Variants in RYR2 observed in about 807,000 individuals in gnomAD.
RYR2 encodes the protein cardiac muscle ryanodine receptor-calcium release channel.
In RYR2, 227 loss-of-function variants were observed where a neutral mutation model predicts 601.1. The observed-to-expected ratio is 0.38, with a 90% CI of 0.34 to 0.42. The LOEUF (loss-of-function observed/expected upper bound fraction) is 0.42. RYR2 is among the 10% of genes least tolerant of loss of function. The pLI, the probability that RYR2 is intolerant of heterozygous loss-of-function variation, is 1.00. For synonymous variants in RYR2, 2,223 were observed against 2,175.1 expected, an observed-to-expected ratio of 1.02 and a Z score of -0.61; for missense variants, 4,646 against 6,156.5, an observed-to-expected ratio of 0.75 and a Z score of 8.21.
rs75373291 is a variant in RYR2 at position 237,197,454 on chromosome 1, T to C, written c.49-73043T>C. 8.1e-4 allele frequency among the ~76,000 whole-genome samples: 124 copies of C among 152,380 alleles called. 3 individuals carry two copies. In the East Asian group the frequency reaches 0.023, roughly 28 times the overall value. On this transcript the variant is annotated intron_variant, in intron 1 of 104. Coordinates refer to ENST00000366574, the MANE Select transcript of RYR2 (RefSeq NM_001035.3). ...CTTAATATCTTAATTGTATATTTCT[T>C]AATTATGTAATCATGTAATATTCAG...
At chr1:237,297,894 G>C (rs950397811) in intron 2 of RYR2, among the ~76,000 whole-genome samples, 6 of 150,968 alleles carry the variant, frequency 4.0e-5, no homozygotes, top group Non-Finnish European at 8.8e-5. Context: ...GGGACTACAA[G>C]CACGTGCTAC....
chr1:237,354,834 T>G (rs1699158254), intron 3 of RYR2, among the ~76,000 whole-genome samples: 1 of 152,132 alleles, frequency 6.6e-6, no homozygotes, highest in Non-Finnish European at 1.5e-5. Flanking sequence ...TAGAACAGAT[T>G]TTTCTGAAAA....
At chr1:237,052,358 G>A (rs1569188) in intron 1 of RYR2, among the ~76,000 whole-genome samples, 30,228 of 152,054 alleles carry the variant, frequency 0.2, 3,810 homozygotes, top group Non-Finnish European at 0.28. Flanking sequence ...AACTCACGGA[G>A]TAAATGGCCA....
At position 237,678,191 on chromosome 1, in the gene RYR2, A is replaced by G; in HGVS notation, c.8895+79A>G. On this transcript the variant is annotated intron_variant, in intron 61 of 104. Coordinates refer to ENST00000366574, the MANE Select transcript of RYR2 (RefSeq NM_001035.3). ...TACTCATTAGATCGTTGCCCTTTTC[A>G]GAACATACTTGTCTACAAATGTGTA... is the stretch of plus-strand genomic sequence containing the variant. The G allele has an allele frequency of 6.5e-6, 5 of 764,540 alleles. No individual in the cohort carries two copies. The South Asian group carries it at 7.5e-5, about 11-fold the overall frequency. 47.4% of individuals were successfully genotyped at this position (764,540 alleles called of 1,614,324 possible). A position where few individuals can be genotyped will look rare whatever the true frequency, so the allele number is the denominator to read the frequency against.
intron 10 of RYR2, among the ~76,000 whole-genome samples, chr1:237,406,162 T>TCCCTTCCCTCCCCTCCCCTC (rs1572177996): frequency 3.0e-5 from 1 of 33,702 alleles, no homozygotes; most frequent in African/African-American, 1.6e-4. Context: ...CCCCTTCCCT[T>TCCCTTCCCTCCCCTCCCCTC]CCCTTCCCTT....
Position 237,459,340 on chromosome 1 carries a change from C to T in RYR2, c.1612+2605C>T, listed in dbSNP as rs147636662. 3.7e-3 allele frequency among the ~76,000 whole-genome samples: 563 copies of T among 152,134 alleles called. 6 individuals carry two copies. The highest frequency in any genetic ancestry group is 0.013 in the African/African-American group (525 of 41,492). On this transcript the variant is annotated intron_variant, in intron 16 of 104. Transcript: ENST00000366574. ...TGGCTCATGTGTGTAGTCCCAGCTG[C>T]GTGGGGGGCTGAACTGGTAGGATTG... is the stretch of plus-strand genomic sequence containing the variant.
chr1:237,572,955 G>T (rs566047801), intron 29 of RYR2, among the ~76,000 whole-genome samples: 4 of 152,180 alleles, frequency 2.6e-5, no homozygotes, highest in East Asian at 1.9e-4. Flanking sequence ...AGAGCTCAAA[G>T]GATCCAGTTT....
chr1:237,603,189 T>C (rs1393988802), intron 35 of RYR2, among the ~76,000 whole-genome samples: 1 of 152,188 alleles, frequency 6.6e-6, no homozygotes, highest in Non-Finnish European at 1.5e-5. Flanking sequence ...AGATTCCCAC[T>C]GTCCCTACCT....
chr1:237,666,490 T>A (rs369291720), intron 56 of RYR2, 22 bp from the exon 57 acceptor site: 16 of 1,602,630 alleles, frequency 1.0e-5, no homozygotes, highest in Non-Finnish European at 1.4e-5. Flanking sequence ...TGAGGCACTG[T>A]TTTTTCACAC....
intron 25 of RYR2, among the ~76,000 whole-genome samples, chr1:237,546,991 A>T (rs5781968): frequency 8.2e-6 from 1 of 122,378 alleles, no homozygotes; most frequent in African/African-American, 3.0e-5. Flanking sequence ...ATATATATAT[A>T]TATATTTATT....
At chr1:237,758,528 G>A (rs776678330) in intron 82 of RYR2, among the ~76,000 whole-genome samples, 2 of 152,118 alleles carry the variant, frequency 1.3e-5, no homozygotes, top group Non-Finnish European at 2.9e-5. Flanking sequence ...CCTACACTAC[G>A]TGTATATTTG....
intron 37 of RYR2, among the ~76,000 whole-genome samples, chr1:237,616,384 A>T (rs1445185107): frequency 6.6e-6 from 1 of 152,200 alleles, no homozygotes; most frequent in Non-Finnish European, 1.5e-5. Flanking sequence ...AGACCCAGCT[A>T]ATCACTGAAT....
intron 1 of RYR2, among the ~76,000 whole-genome samples, chr1:237,048,761 G>A (rs2148122441): frequency 6.6e-6 from 1 of 152,294 alleles, no homozygotes; most frequent in East Asian, 1.9e-4. Flanking sequence ...TTGGGACCGT[G>A]TTGGGCATCG....
At position 237,562,488 on chromosome 1, in the gene RYR2, C is replaced by A. The variant is rs1016709191; in HGVS notation, c.3215-4079C>A. On this transcript the variant is annotated intron_variant, in intron 27 of 104. Coordinates refer to ENST00000366574, the MANE Select transcript of RYR2 (RefSeq NM_001035.3). ...ATGGTTACTTTAGGCCTTTTTAGGC[C>A]CTAGTTAGGTGATTGGTGGTGTGTC... Among the ~76,000 whole-genome samples, 5 of 151,758 alleles carry A rather than the reference C, an allele frequency of 3.3e-5. No individual in the cohort carries two copies. The Middle Eastern group carries it at 9.5e-3, about 288-fold the overall frequency.
At chr1:237,271,247 A>G (rs144586489) in intron 2 of RYR2, among the ~76,000 whole-genome samples, 38 of 152,302 alleles carry the variant, frequency 2.5e-4, no homozygotes, top group African/African-American at 9.1e-4. Context: ...GAGCCCAGCA[A>G]TATCTTAAGC....
Position 237,566,749 on chromosome 1 carries a change from C to T in RYR2, c.3397C>T (p.Arg1133Cys), listed in dbSNP as rs748085424. 22 of 1,613,838 alleles carry T rather than the reference C, an allele frequency of 1.4e-5. 1 individual carries two copies. The highest frequency in any genetic ancestry group is 5.5e-5 in the South Asian group (5 of 91,084). Residue 1133 changes from arginine (R) to cysteine (C), a missense_variant, in exon 28 of 105, where the codon CGT becomes TGT. Around this residue, in one of 17 missense-constraint regions of RYR2, gnomAD observed 1,807 missense variants for 2,088.1 expected, o/e 0.87. Transcript: ENST00000366574. Reference sequence around the variant, plus strand: ...GGATCAGGAGCTTGGCTCAGATGAACGTGCCTTTGCCTTTGATGGCTTCAA... The same window carrying T: ...GGATCAGGAGCTTGGCTCAGATGAATGTGCCTTTGCCTTTGATGGCTTCAA... Reference protein sequence around the residue: ...QPDQELGSDERAFAFDGFKAQ... With the variant: ...QPDQELGSDECAFAFDGFKAQ...
chr1:237,506,758 A>C lies in RYR2; in HGVS notation c.2662A>C (p.Asn888His). ...LERIREKLAENIHELWVMNKI... is the reference protein window; with the variant it reads ...LERIREKLAEHIHELWVMNKI... ...AAGAATAAGAGAAAAACTGGCAGAG[A>C]ATATCCATGAACTCTGGGTTATGAA... Residue 888 changes from asparagine (N) to histidine (H), a missense_variant, in exon 23 of 105, where the codon AAT becomes CAT. Around this residue, in one of 17 missense-constraint regions of RYR2, gnomAD observed 1,807 missense variants for 2,088.1 expected, o/e 0.87. Coordinates refer to ENST00000366574, the MANE Select transcript of RYR2 (RefSeq NM_001035.3). 6.2e-7 allele frequency: 1 copy of C among 1,613,858 alleles called. No homozygotes were observed. Among genetic ancestry groups the C allele is most frequent in the East Asian group, 2.2e-5 (1 of 44,856 alleles).
At chr1:237,597,948 T>C (rs559613045) in intron 34 of RYR2, among the ~76,000 whole-genome samples, 50 of 152,270 alleles carry the variant, frequency 3.3e-4, no homozygotes, top group African/African-American at 1.2e-3. Flanking sequence ...ACTTCACCTT[T>C]AAGGACAGAC....
chr1:237,759,473 G>A (rs1220690343), intron 82 of RYR2, among the ~76,000 whole-genome samples: 1 of 152,168 alleles, frequency 6.6e-6, no homozygotes, highest in African/African-American at 2.4e-5. Flanking sequence ...TTGCACTAGA[G>A]TATCTGAATC....
Sources: allele counts gnomAD v4.1 joint callset (sites outside exome capture counted in the v4.1 genomes callset), GRCh38; gene constraint gnomAD v4.1.1; regional missense constraint gnomAD v4.1.1; transcripts MANE v1.5; gene names NCBI Gene and HGNC (gene_info 2026-07-23, HGNC 2026-07-21).